RBFOX1: variants seen among roughly 807,000 people sequenced by gnomAD.
The protein encoded by RBFOX1 is RNA binding protein fox-1 homolog 1.
A neutral mutation model predicts 57.7 loss-of-function variants in RBFOX1; 8 were observed. That is an observed-to-expected ratio of 0.14 (90% confidence interval 0.08 to 0.25). RBFOX1 has a LOEUF of 0.25. RBFOX1 is among the 10% of genes least tolerant of loss of function. RBFOX1 has a pLI of 1.00. For missense variants in RBFOX1, 611 were observed against 548.5 expected, an observed-to-expected ratio of 1.11 and a Z score of -1.14; for synonymous variants, 326 against 222.4, an observed-to-expected ratio of 1.47 and a Z score of -4.15.
At chr16:7,226,092 A>G (rs570539490) in intron 4 of RBFOX1, among the ~76,000 whole-genome samples, 1 of 151,856 alleles carries the variant, frequency 6.6e-6, no homozygotes. Context: ...CTCACCCTCA[A>G]CTCAGGACTG....
intron 2 of RBFOX1, among the ~76,000 whole-genome samples, chr16:6,357,052 T>C (rs1168242142): frequency 6.6e-6 from 1 of 152,066 alleles, no homozygotes; most frequent in Non-Finnish European, 1.5e-5. Context: ...CGGGGACCTC[T>C]ATTTGGAGCA....
intron 3 of RBFOX1, among the ~76,000 whole-genome samples, chr16:5,851,361 C>T (rs551437131): frequency 1.3e-5 from 2 of 152,308 alleles, no homozygotes; most frequent in East Asian, 1.9e-4. Context: ...ATTTCACCGT[C>T]ATCTTGCATT....
chr16:5,608,096 C>T (rs903875305), intron 3 of RBFOX1, among the ~76,000 whole-genome samples: 2 of 152,196 alleles, frequency 1.3e-5, no homozygotes, highest in Admixed American at 6.5e-5. Flanking sequence ...CCAAAAGTTG[C>T]CCAAAGTGGT....
chr16:5,861,652 A>G (rs2057218261), intron 3 of RBFOX1, among the ~76,000 whole-genome samples: 1 of 152,130 alleles, frequency 6.6e-6, no homozygotes, highest in Non-Finnish European at 1.5e-5. Context: ...GACTCCCCCT[A>G]ATCCACCCAT....
At chr16:6,964,141 C>A (rs2083590884) in intron 3 of RBFOX1, among the ~76,000 whole-genome samples, 5 of 152,106 alleles carry the variant, frequency 3.3e-5, no homozygotes, top group Admixed American at 3.3e-4. Context: ...CCTCAGCCTC[C>A]CAAGTAGGTG....
At chr16:7,288,726 G>A (rs1234518274) in intron 4 of RBFOX1, among the ~76,000 whole-genome samples, 7 of 152,240 alleles carry the variant, frequency 4.6e-5, no homozygotes, top group Middle Eastern at 3.4e-3. Flanking sequence ...CAATAATCCC[G>A]GCTACATTGG....
chr16:6,396,445 G>A (rs1386369212), intron 2 of RBFOX1, among the ~76,000 whole-genome samples: 2 of 151,860 alleles, frequency 1.3e-5, no homozygotes. Context: ...GATAGACTAG[G>A]AAGGAAGATG....
rs1382585877 is a variant in RBFOX1, at chr16:7,273,249, CCTT to C, written c.27+221153_27+221155del. The stretch of plus-strand genomic sequence containing the variant: ...TCCTTCCTTCCTTCCTTCCTTCCTT[CCTT>C]CCTTCCTTCCTCCCTTTCTCTTTTT... On this transcript the variant is annotated intron_variant, in intron 4 of 15. Transcript: ENST00000550418. Among the ~76,000 whole-genome samples, 442 of 141,084 alleles carry C rather than the reference CCTT, an allele frequency of 3.1e-3. 98 individuals are homozygous for C. Among genetic ancestry groups the C allele is most frequent in the African/African-American group, 0.011 (414 of 37,066 alleles). 92.6% of individuals were successfully genotyped at this position (141,084 alleles called of 152,430 possible).
chr16:7,410,698 A>G (rs7184522), intron 4 of RBFOX1, among the ~76,000 whole-genome samples: 45,157 of 147,926 alleles, frequency 0.31, 7,211 homozygotes, highest in Middle Eastern at 0.42. Context: ...CAAAACAACA[A>G]AAAAACAAAC....
chr16:5,882,754 A>G (rs1032041005), intron 4 of RBFOX1, among the ~76,000 whole-genome samples: 3 of 152,162 alleles, frequency 2.0e-5, no homozygotes, highest in African/African-American at 7.2e-5. Context: ...CGGGTTAAAG[A>G]CGGAATTTGA....
At chr16:5,600,676 A>C (rs1023165935), downstream of RBFOX1, among the ~76,000 whole-genome samples, 7 of 151,908 alleles carry the variant, frequency 4.6e-5, no homozygotes, top group African/African-American at 1.7e-4. Context: ...GTGCTTGTCT[A>C]TTCCCCCAAA....
intron 2 of RBFOX1, among the ~76,000 whole-genome samples, chr16:6,500,352 G>A (rs921676747): frequency 6.6e-6 from 1 of 152,062 alleles, no homozygotes; most frequent in South Asian, 2.1e-4. Context: ...ATGCACGTGT[G>A]CACATACACA....
At chr16:5,765,692 A>G (rs1449659080) in intron 3 of RBFOX1, among the ~76,000 whole-genome samples, 2 of 152,204 alleles carry the variant, frequency 1.3e-5, no homozygotes, top group Admixed American at 1.3e-4. Context: ...ACTCGCCCCA[A>G]GGGAGAAAGG....
chr16:7,416,670 A>G lies in RBFOX1; in HGVS notation c.28-101477A>G, dbSNP rs183990931. ...AACCAGAGGACCCCAGTGGCAATGG[A>G]TACCCATTTAATCTCTGAGAAAATA... On this transcript the variant is annotated intron_variant, in intron 4 of 15. Transcript: ENST00000550418. 2.4e-3 allele frequency among the ~76,000 whole-genome samples: 368 copies of G among 152,306 alleles called. 1 individual carries two copies. The highest frequency in any genetic ancestry group is 8.5e-3 in the African/African-American group (353 of 41,558).
At chr16:7,444,329 C>T (rs11644947) in intron 4 of RBFOX1, among the ~76,000 whole-genome samples, 42,091 of 151,908 alleles carry the variant, frequency 0.28, 9,238 homozygotes, top group African/African-American at 0.58. Flanking sequence ...GAGTCATTGT[C>T]GTAAGATATA....
intron 2 of RBFOX1, among the ~76,000 whole-genome samples, chr16:6,472,396 G>C (rs1204679086): frequency 6.6e-6 from 1 of 152,068 alleles, no homozygotes. Flanking sequence ...CCTGAGTCAG[G>C]GATGCCCCCA....
At chr16:6,839,913 G>C (rs2093364847) in intron 3 of RBFOX1, among the ~76,000 whole-genome samples, 1 of 151,996 alleles carries the variant, frequency 6.6e-6, no homozygotes, top group Non-Finnish European at 1.5e-5. Flanking sequence ...ACTTTCAATT[G>C]CATTATTATG....
chr16:6,533,046 C>T (rs888850231), intron 2 of RBFOX1, among the ~76,000 whole-genome samples: 10 of 152,186 alleles, frequency 6.6e-5, no homozygotes, highest in African/African-American at 1.7e-4. Context: ...TCTGATGCAT[C>T]ACATGCTCTG....
At chr16:6,822,702 C>T (rs1033835223) in intron 3 of RBFOX1, among the ~76,000 whole-genome samples, 7 of 152,160 alleles carry the variant, frequency 4.6e-5, no homozygotes, top group Admixed American at 4.6e-4. Flanking sequence ...AAGATCCAAG[C>T]TCTGCTTTCT....
Sources: allele counts gnomAD v4.1 joint callset (sites outside exome capture counted in the v4.1 genomes callset), GRCh38; gene constraint gnomAD v4.1.1; transcripts MANE v1.5; gene names NCBI Gene and HGNC (gene_info 2026-07-23, HGNC 2026-07-21).